Variants in TTC6 observed in about 807,000 individuals in gnomAD.
TTC6 encodes the protein tetratricopeptide repeat domain 6, also known as tetratricopeptide repeat protein 6.
TTC6 carries 172 observed loss-of-function variants against 210.4 expected under a neutral mutation model. That is an observed-to-expected ratio of 0.82 (90% CI 0.72 to 0.93). The LOEUF is 0.93. Among genes scored for constraint, TTC6 ranks in the 40% least tolerant of loss-of-function variants. The pLI is 0.00. For missense variants in TTC6, 2,414 were observed against 2,318.1 expected (o/e 1.04, Z -0.85); for synonymous variants, 804 against 819.6 (o/e 0.98, Z 0.32).
chr14:37,631,402 T>G (rs1383106909), intron 1 of TTC6, among the ~76,000 whole-genome samples: 1 of 152,188 alleles, frequency 6.6e-6, no homozygotes, highest in African/African-American at 2.4e-5. Flanking sequence ...AAATTCTGGG[T>G]TGAAAATTCT....
chr14:37,680,426 A>G (rs2095780826), intron 2 of TTC6, among the ~76,000 whole-genome samples, 165 bp downstream of exon 4: 1 of 152,102 alleles, frequency 6.6e-6, no homozygotes, highest in Non-Finnish European at 1.5e-5. Context: ...AGTCTTGGCC[A>G]TTTTGGCTCA....
At chr14:37,605,089 T>A (rs2095622699) in intron 1 of TTC6, among the ~76,000 whole-genome samples, 1 of 152,216 alleles carries the variant, frequency 6.6e-6, no homozygotes, top group Admixed American at 6.5e-5. Flanking sequence ...AGTGGGATGC[T>A]AAAGTTTAAT....
At chr14:37,678,313 C>G (rs1353116242) in intron 1 of TTC6, among the ~76,000 whole-genome samples, 1 of 152,156 alleles carries the variant, frequency 6.6e-6, no homozygotes, top group East Asian at 1.9e-4. Flanking sequence ...TCTTGCATGT[C>G]TGGTGGGAGA....
chr14:37,623,409 G>A (rs2095655074), intron 1 of TTC6, among the ~76,000 whole-genome samples: 1 of 152,178 alleles, frequency 6.6e-6, no homozygotes, highest in African/African-American at 2.4e-5. Context: ...CAGCAAAAGT[G>A]CATTTATATT....
Position 37,622,815 on chromosome 14 carries a change from C to CA in TTC6, c.752dup (p.Glu252GlyfsTer83). ...GGCGGGGTTAGGAGCCCAGGGAGAA[C>CA]AGGAGAGCTGGCCGCCCAGCGACGC... On this transcript the variant is annotated frameshift_variant, in exon 1 of 31. Coordinates refer to ENST00000553443, the Ensembl canonical transcript of TTC6. LOFTEE classifies it high-confidence loss of function. The CA allele has an allele frequency of 1.3e-6, 2 of 1,533,818 alleles. No individual in the cohort carries two copies. The highest frequency in any genetic ancestry group is 1.7e-6 in the Non-Finnish European group (2 of 1,145,716).
At chr14:37,729,442 C>T (rs2095880442) in intron 7 of TTC6, among the ~76,000 whole-genome samples, 1 of 152,204 alleles carries the variant, frequency 6.6e-6, no homozygotes, top group Non-Finnish European at 1.5e-5. Flanking sequence ...GTCCCGCAGA[C>T]CTAACATGGC....
intron 16 of TTC6, 42 bp from the exon 19 acceptor site, chr14:37,792,222 T>C (rs1266536421): frequency 2.1e-6 from 3 of 1,412,928 alleles, no homozygotes; most frequent in African/African-American, 1.4e-5. Context: ...TTGGAATAAT[T>C]AAAAATGTTT....
chr14:37,671,044 G>C (rs1251098498), intron 1 of TTC6, among the ~76,000 whole-genome samples: 1 of 152,122 alleles, frequency 6.6e-6, no homozygotes, highest in African/African-American at 2.4e-5. Context: ...CAGTTTTTAT[G>C]GGTAGTGAAT....
chr14:37,670,227 T>C (rs996365595), intron 1 of TTC6, among the ~76,000 whole-genome samples: 2 of 152,184 alleles, frequency 1.3e-5, no homozygotes, highest in Non-Finnish European at 2.9e-5. Flanking sequence ...TTATGACAAG[T>C]CTTGCCTACA....
At chr14:37,837,445 C>G (rs1300947791) in intron 29 of TTC6, 2 of 454,178 alleles carry the variant, frequency 4.4e-6, no homozygotes, top group Admixed American at 2.4e-5. Flanking sequence ...AATTCTGTCC[C>G]CCCTCCCCCC....
At chr14:37,613,465 T>C (rs1595009956) in intron 2 of TTC6, among the ~76,000 whole-genome samples, 1 of 152,090 alleles carries the variant, frequency 6.6e-6, no homozygotes, top group African/African-American at 2.4e-5. Flanking sequence ...CTTTAAAAAA[T>C]GCCTTTGTCA....
chr14:37,619,290 C>T (rs1217265380), upstream of TTC6, among the ~76,000 whole-genome samples: 2 of 152,088 alleles, frequency 1.3e-5, no homozygotes, highest in Non-Finnish European at 2.9e-5. Flanking sequence ...ATGATGAGCT[C>T]TTCGTGTAGC....
intron 14 of TTC6, among the ~76,000 whole-genome samples, chr14:37,786,488 G>A (rs1213658198): frequency 6.6e-6 from 1 of 152,218 alleles, no homozygotes; most frequent in Non-Finnish European, 1.5e-5. Context: ...CGCAGTATTA[G>A]GGTTGGAGTG....
chr14:37,810,984 A>G (rs570228538), intron 24 of TTC6, among the ~76,000 whole-genome samples: 3 of 152,294 alleles, frequency 2.0e-5, no homozygotes, highest in Admixed American at 2.0e-4. Flanking sequence ...GCAGATGAGG[A>G]AGCTAAGGCT....
chr14:37,695,779 T>C (rs548508555), intron 3 of TTC6, among the ~76,000 whole-genome samples: 4 of 152,270 alleles, frequency 2.6e-5, no homozygotes, highest in African/African-American at 7.2e-5. Flanking sequence ...TATTATGCAT[T>C]ACATGCCTGT....
intron 1 of TTC6, among the ~76,000 whole-genome samples, chr14:37,624,184 GGGCA>G (rs1228175010): frequency 6.6e-6 from 1 of 152,182 alleles, no homozygotes; most frequent in Non-Finnish European, 1.5e-5. Flanking sequence ...TAATGTTTGT[GGGCA>G]GAGTATGACA....
chr14:37,802,107 G>A (rs2139392208), intron 20 of TTC6: 1 of 152,244 alleles, frequency 6.6e-6, no homozygotes, highest in African/African-American at 2.4e-5. Flanking sequence ...CGTGGATGGA[G>A]CTGGAAGCCA....
intron 20 of TTC6, among the ~76,000 whole-genome samples, chr14:37,797,257 C>CG (rs1046786503): frequency 4.6e-5 from 7 of 151,924 alleles, no homozygotes; most frequent in African/African-American, 1.7e-4. Flanking sequence ...TTTCATAGGG[C>CG]GGTACCAATT....
chr14:37,629,097 T>G (rs1290556244), intron 1 of TTC6, among the ~76,000 whole-genome samples: 1 of 152,214 alleles, frequency 6.6e-6, no homozygotes, highest in Admixed American at 6.5e-5. Context: ...GGGCTCTTTT[T>G]TGGTTCCATA....
Sources: allele counts gnomAD v4.1 joint callset (sites outside exome capture counted in the v4.1 genomes callset), GRCh38; gene constraint gnomAD v4.1.1; transcripts MANE v1.5; gene names NCBI Gene and HGNC (gene_info 2026-07-23, HGNC 2026-07-21).